RBMS1: variants seen among roughly 807,000 people sequenced by gnomAD.
The protein encoded by RBMS1 is RNA-binding motif, single-stranded-interacting protein 1.
Under a neutral mutation model 62.3 loss-of-function variants are expected in RBMS1, and 17 were observed. The observed-to-expected ratio is 0.27, with a 90% CI of 0.19 to 0.41. RBMS1 has a LOEUF of 0.41. Among genes scored for constraint, RBMS1 ranks in the 10% least tolerant of loss-of-function variants. The pLI, the probability that RBMS1 is intolerant of heterozygous loss-of-function variation, is 1.00. For synonymous variants in RBMS1, 172 were observed against 170.0 expected (o/e 1.01, Z -0.09); for missense variants, 334 against 504.5 (o/e 0.66, Z 3.24).
At chr2:160,324,907 T>TATATATATATATATACAC (rs1321182985) in intron 2 of RBMS1, among the ~76,000 whole-genome samples, 1 of 106,778 alleles carries the variant, frequency 9.4e-6, no homozygotes, top group African/African-American at 4.2e-5. Flanking sequence ...TATATATATA[T>TATATATATATATATACAC]ACACACACAC....
chr2:160,328,992 T>C (rs1217025176), intron 2 of RBMS1, among the ~76,000 whole-genome samples: 1 of 152,182 alleles, frequency 6.6e-6, no homozygotes, highest in African/African-American at 2.4e-5. Flanking sequence ...TAAAACAGTG[T>C]GCAAAATTAC....
chr2:160,368,443 C>T (rs927708680), intron 1 of RBMS1, among the ~76,000 whole-genome samples: 1 of 152,132 alleles, frequency 6.6e-6, no homozygotes, highest in African/African-American at 2.4e-5. Flanking sequence ...ACAAGAAAGT[C>T]AGGCATGTCT....
chr2:160,452,827 C>T (rs1381404431), intron 1 of RBMS1, among the ~76,000 whole-genome samples: 3 of 152,136 alleles, frequency 2.0e-5, no homozygotes, highest in Admixed American at 6.5e-5. Flanking sequence ...CAAACAAGTA[C>T]GAGTATGATA....
chr2:160,284,362 T>C (rs1258777663), intron 9 of RBMS1: 1 of 186,096 alleles, frequency 5.4e-6, no homozygotes, highest in African/African-American at 2.4e-5. Flanking sequence ...CTTTATGTAT[T>C]ACCATGTTTA....
chr2:160,451,862 G>C (rs1265480973), intron 1 of RBMS1, among the ~76,000 whole-genome samples: 1 of 151,966 alleles, frequency 6.6e-6, no homozygotes, highest in Non-Finnish European at 1.5e-5. Context: ...TACCCTCCTC[G>C]GCCTCCTAAA....
At chr2:160,357,448 C>T (rs929659809) in intron 2 of RBMS1, among the ~76,000 whole-genome samples, 4 of 152,046 alleles carry the variant, frequency 2.6e-5, no homozygotes, top group African/African-American at 9.7e-5. Context: ...CCATGCTTAC[C>T]AGCAGATTTT....
chr2:160,307,283 G>A (rs1689584888), intron 4 of RBMS1, among the ~76,000 whole-genome samples: 1 of 146,218 alleles, frequency 6.8e-6, no homozygotes. Flanking sequence ...GCATGTGACT[G>A]CAAACTGCTC....
At chr2:160,460,082 T>C (rs1007329780) in intron 1 of RBMS1, among the ~76,000 whole-genome samples, 1 of 152,334 alleles carries the variant, frequency 6.6e-6, no homozygotes, top group East Asian at 1.9e-4. Context: ...AGATGCTCCC[T>C]GAAGCAGGTG....
intron 6 of RBMS1, among the ~76,000 whole-genome samples, chr2:160,297,940 G>C (rs1217818169): frequency 6.6e-6 from 1 of 152,148 alleles, no homozygotes; most frequent in Non-Finnish European, 1.5e-5. Flanking sequence ...CCTTCTAACT[G>C]AGAGGGGGTC....
intron 1 of RBMS1, chr2:160,401,915 C>CT (rs925042996): frequency 2.3e-4 from 35 of 152,064 alleles, no homozygotes; most frequent in Non-Finnish European, 4.6e-4. Context: ...TTGGTACTTT[C>CT]TTTTTTTAAA....
At chr2:160,487,964 A>C (rs186159161) in intron 1 of RBMS1, among the ~76,000 whole-genome samples, 1 of 152,298 alleles carries the variant, frequency 6.6e-6, no homozygotes, top group African/African-American at 2.4e-5. Context: ...AATTTTGTTA[A>C]GGAGACTAGA....
At chr2:160,447,875 T>C (rs1364013989) in intron 1 of RBMS1, among the ~76,000 whole-genome samples, 2 of 152,228 alleles carry the variant, frequency 1.3e-5, no homozygotes, top group Admixed American at 6.5e-5. Context: ...ATGGGGAAGA[T>C]GCAGCCATCT....
intron 1 of RBMS1, among the ~76,000 whole-genome samples, chr2:160,373,809 C>T (rs1573953891): frequency 6.6e-6 from 1 of 152,234 alleles, no homozygotes; most frequent in East Asian, 1.9e-4. Flanking sequence ...CCAGCCTTAG[C>T]TACCCTTAAT....
chr2:160,281,537 G>T (rs747849204), intron 9 of RBMS1, 173 bp from the exon 10 acceptor site: 1 of 525,130 alleles, frequency 1.9e-6, no homozygotes, highest in Non-Finnish European at 3.4e-6. Context: ...TGGTCACTCT[G>T]AACAGGATGA....
chr2:160,367,597 A>G, intron 1 of RBMS1: 4 of 883,160 alleles, frequency 4.5e-6, no homozygotes, highest in Non-Finnish European at 6.4e-6. Context: ...TTACTAAGTA[A>G]AAGTTCTCTA....
intron 1 of RBMS1, among the ~76,000 whole-genome samples, chr2:160,448,387 C>A (rs1433542878): frequency 6.6e-6 from 1 of 151,268 alleles, no homozygotes; most frequent in Non-Finnish European, 1.5e-5. Flanking sequence ...CTCACTGCAA[C>A]CTCCCTGCCT....
chr2:160,443,591 C>T (rs527261125), intron 1 of RBMS1, among the ~76,000 whole-genome samples: 209 of 152,034 alleles, frequency 1.4e-3, no homozygotes, highest in African/African-American at 4.6e-3. Context: ...TTCCTGCTTT[C>T]GCCATGTGAA....
chr2:160,408,015 G>A, intron 1 of RBMS1: 1 of 722,914 alleles, frequency 1.4e-6, no homozygotes, highest in Non-Finnish European at 1.7e-6. Flanking sequence ...CCGCCCCATC[G>A]CCCGCCCGGC....
At position 160,454,773 on chromosome 2, in the gene RBMS1, G is replaced by A. The variant is rs532203742; in HGVS notation, c.75+38516C>T. On this transcript the variant is annotated intron_variant, in intron 1 of 13. Transcript: ENST00000348849. ...TCACTAAGGGTTTTAGGTAGTGGGG[G>A]TGGGGCTGGGACAGTGACAGGATCA... 2.0e-3 allele frequency among the ~76,000 whole-genome samples: 311 copies of A among 152,316 alleles called. 1 individual carries two copies. The highest frequency in any genetic ancestry group is 6.8e-3 in the Middle Eastern group (2 of 294).
Sources: allele counts gnomAD v4.1 joint callset (sites outside exome capture counted in the v4.1 genomes callset), GRCh38; gene constraint gnomAD v4.1.1; transcripts MANE v1.5; gene names NCBI Gene and HGNC (gene_info 2026-07-23, HGNC 2026-07-21).